The following TMPRSS15 variants were observed in gnomAD, a reference collection of about 807,000 sequenced individuals.
TMPRSS15 encodes transmembrane serine protease 15, also known as enteropeptidase.
Under a neutral mutation model 125.3 loss-of-function variants are expected in TMPRSS15, and 128 were observed. The observed-to-expected ratio is 1.02, with a 90% CI of 0.89 to 1.18. The LOEUF (loss-of-function observed/expected upper bound fraction) is 1.18, where lower values mean the gene tolerates loss of function less well. TMPRSS15 is among the 50% of genes most tolerant of loss of function. The probability of loss-of-function intolerance (pLI) is 0.00; values close to 1 mark genes in which losing one functional copy is unlikely to be tolerated. For missense variants in TMPRSS15, 1,283 were observed against 1,212.7 expected (o/e 1.06, Z -0.86); for synonymous variants, 446 against 423.2 (o/e 1.05, Z -0.66).
chr21:18,353,387 TA>T (rs1251052843), intron 9 of TMPRSS15, among the ~76,000 whole-genome samples: 1 of 151,870 alleles, frequency 6.6e-6, no homozygotes, highest in African/African-American at 2.4e-5. Flanking sequence ...TTACTAAATT[TA>T]ATACCTTGAT....
intron 18 of TMPRSS15, among the ~76,000 whole-genome samples, chr21:18,302,857 C>T (rs113603089): frequency 2.6e-5 from 4 of 152,252 alleles, no homozygotes; most frequent in Non-Finnish European, 4.4e-5. Context: ...CCTTGGGCAA[C>T]GTGAACCACT....
intron 1 of TMPRSS15, among the ~76,000 whole-genome samples, chr21:18,452,951 C>A (rs377317274): frequency 4.1e-4 from 62 of 152,216 alleles, no homozygotes; most frequent in African/African-American, 1.4e-3. Flanking sequence ...GTAGTATGAA[C>A]GTGCAACATA....
chr21:18,466,735 G>A (rs1272400421), intron 1 of TMPRSS15, among the ~76,000 whole-genome samples: 1 of 152,126 alleles, frequency 6.6e-6, no homozygotes, highest in African/African-American at 2.4e-5. Flanking sequence ...CAGTTAGAAT[G>A]GTGATCATTA....
chr21:18,328,008 G>A (rs945002535), intron 15 of TMPRSS15, among the ~76,000 whole-genome samples: 7 of 152,024 alleles, frequency 4.6e-5, no homozygotes, highest in Non-Finnish European at 8.8e-5. Flanking sequence ...AGCTGAGATC[G>A]CACCACTGCA....
At chr21:18,461,868 A>G (rs1159877451) in intron 1 of TMPRSS15, among the ~76,000 whole-genome samples, 1 of 152,150 alleles carries the variant, frequency 6.6e-6, no homozygotes, top group Non-Finnish European at 1.5e-5. Flanking sequence ...AATAGGCACA[A>G]TCTTCCTTTA....
At chr21:18,459,391 A>T (rs776457704) in intron 1 of TMPRSS15, among the ~76,000 whole-genome samples, 6 of 151,896 alleles carry the variant, frequency 4.0e-5, no homozygotes, top group Non-Finnish European at 8.8e-5. Context: ...CTCATGACTC[A>T]GCCTCTCGAG....
chr21:18,288,619 C>G (rs913874030), intron 21 of TMPRSS15, among the ~76,000 whole-genome samples: 11 of 139,636 alleles, frequency 7.9e-5, no homozygotes, highest in African/African-American at 2.8e-4. Flanking sequence ...CGGCTCACCA[C>G]AACCTTCGCC....
Position 18,352,966 on chromosome 21 carries a change from G to T in TMPRSS15, c.1108C>A (p.Gln370Lys), listed in dbSNP as rs140443571. 1 of 1,612,038 alleles carries T rather than the reference G, an allele frequency of 6.2e-7. No homozygotes were observed. Among genetic ancestry groups the T allele is most frequent in the African/African-American group, 1.3e-5 (1 of 74,720 alleles). Residue 370 changes from glutamine (Q) to lysine (K), a missense_variant, in exon 10 of 25, where the codon CAG becomes AAG. Gln to Lys is a moderately conservative substitution (Grantham distance 53, BLOSUM62 1). Transcript: ENST00000284885. The part of the protein sequence containing the change: ...LNDDNEWERI[Q>K]GSTFSPFTGP... ...GTAAAAGGAGAAAAGGTGCTTCCCTGAATCCTTTCCCATTCATTATCATCA... is the reference window on the plus strand; with the variant it reads ...GTAAAAGGAGAAAAGGTGCTTCCCTTAATCCTTTCCCATTCATTATCATCA...
chr21:18,341,829 C>A (rs1885555047), intron 12 of TMPRSS15, among the ~76,000 whole-genome samples: 1 of 152,178 alleles, frequency 6.6e-6, no homozygotes, highest in Non-Finnish European at 1.5e-5. Flanking sequence ...ATATCTCTGT[C>A]TGTGTCTCTC....
chr21:18,345,762 A>AAAAAAAAAAT (rs2075501908), intron 10 of TMPRSS15, among the ~76,000 whole-genome samples: 2 of 143,676 alleles, frequency 1.4e-5, no homozygotes, highest in African/African-American at 5.1e-5. Flanking sequence ...AAAAAAAAAA[A>AAAAAAAAAAT]TCCACTGAAT....
chr21:18,277,988 G>T (rs571693896), intron 23 of TMPRSS15, among the ~76,000 whole-genome samples: 1 of 152,198 alleles, frequency 6.6e-6, no homozygotes, highest in Non-Finnish European at 1.5e-5. Context: ...TAATATGTAT[G>T]ATTTCTGTGT....
In TMPRSS15 at chr21:18,279,015, GA is replaced by G; in HGVS notation, c.2712del (p.Pro905LeufsTer50). Reference protein sequence around the residue: ...PICLPEENQVFPPGRNCSIAG... With the variant: ...PICLPEENQVXPPGRNCSIAG... ...GCAATAGAACAATTTCTTCCTGGAG[GA>G]AAAACTTGATTTTCTTCCGGTAAAC... On this transcript the variant is annotated frameshift_variant, in exon 23 of 25. Transcript: ENST00000284885. LOFTEE classifies it high-confidence loss of function. 6.3e-7 allele frequency: 1 copy of G among 1,599,314 alleles called. No individual in the cohort carries two copies. The highest frequency in any genetic ancestry group is 1.7e-5 in the Admixed American group (1 of 59,222).
At chr21:18,379,365 A>AT (rs1477281170) in intron 4 of TMPRSS15, 47 bp from the exon 5 acceptor site, 5 of 868,338 alleles carry the variant, frequency 5.8e-6, no homozygotes, top group Non-Finnish European at 8.1e-6. Flanking sequence ...TTTTAAACTA[A>AT]TTACCAGGAA....
At chr21:18,382,889 G>A (rs1056102569) in intron 4 of TMPRSS15, among the ~76,000 whole-genome samples, 32 of 151,954 alleles carry the variant, frequency 2.1e-4, no homozygotes, top group Admixed American at 1.1e-3. Flanking sequence ...ATTTACAATC[G>A]TATTTTTTAT....
chr21:18,453,980 C>T (rs1005039239), intron 1 of TMPRSS15, among the ~76,000 whole-genome samples: 4 of 152,040 alleles, frequency 2.6e-5, no homozygotes, highest in African/African-American at 7.2e-5. Flanking sequence ...TGATATTTGC[C>T]AGGGGCTAAG....
In TMPRSS15 at chr21:18,346,387, A is replaced by T. The variant is rs116051361; in HGVS notation, c.1172-2327T>A. Among the ~76,000 whole-genome samples the T allele has an allele frequency of 4.2e-3, 635 of 152,246 alleles. 4 individuals are homozygous for T. The highest frequency in any genetic ancestry group is 0.014 in the African/African-American group (577 of 41,534). ...TGATTAGAAAATTATTTTCTTTTTT[A>T]AAAAAATAAGCTTATACGCACCTAT... On this transcript the variant is annotated intron_variant, in intron 10 of 24. Transcript: ENST00000284885.
intron 24 of TMPRSS15, among the ~76,000 whole-genome samples, chr21:18,271,334 A>C (rs572402147): frequency 5.3e-5 from 8 of 152,218 alleles, no homozygotes; most frequent in Admixed American, 6.5e-5. Flanking sequence ...GATATTTTTA[A>C]AAGGAGTAAC....
Position 18,269,756 on chromosome 21 carries a change from T to C in TMPRSS15, c.*213A>G, listed in dbSNP as rs1287020371. ...TGTTCACAATGAAATACAAATGTAT[T>C]TAATGGTATTTTAAAGTTATTCTGT... On this transcript the variant is annotated 3_prime_UTR_variant, in exon 25 of 25. Coordinates refer to ENST00000284885, the MANE Select transcript of TMPRSS15 (RefSeq NM_002772.3). 1 of 521,306 alleles carries C rather than the reference T, an allele frequency of 1.9e-6. No homozygotes were observed. The highest frequency in any genetic ancestry group is 3.4e-6 in the Non-Finnish European group (1 of 293,240). 32.3% of individuals were successfully genotyped at this position (521,306 alleles called of 1,614,324 possible). A position where few individuals can be genotyped will look rare whatever the true frequency, so the allele number is the denominator to read the frequency against.
chr21:18,276,522 CT>C (rs1320532681), intron 23 of TMPRSS15, among the ~76,000 whole-genome samples: 1 of 152,124 alleles, frequency 6.6e-6, no homozygotes, highest in Non-Finnish European at 1.5e-5. Flanking sequence ...GCTTGGCAGA[CT>C]TTAATTTTAC....
Sources: gnomAD v4.1 joint callset for allele counts (sites outside exome capture counted in the v4.1 genomes callset) on GRCh38, gnomAD v4.1.1 for gene constraint, MANE v1.5 for transcripts, NCBI Gene and HGNC (gene_info 2026-07-23, HGNC 2026-07-21) for gene names.